Variants in SPG11 observed in about 807,000 individuals in gnomAD.
SPG11 encodes SPG11 vesicle trafficking associated, spatacsin, also known as spatacsin.
A neutral mutation model predicts 274.0 loss-of-function variants in SPG11; 222 were observed. That is an observed-to-expected ratio of 0.81 (90% CI 0.73 to 0.91). The LOEUF is 0.91. Among genes scored for constraint, SPG11 ranks in the 40% least tolerant of loss-of-function variants. SPG11 has a pLI of 0.00. For missense variants in SPG11, 3,114 were observed against 2,872.7 expected (o/e 1.08, Z -1.92); for synonymous variants, 1,144 against 1,039.7 (o/e 1.10, Z -1.93).
rs776413713 is a variant in SPG11 at position 44,652,220 on chromosome 15, G to A, written c.916C>T (p.Pro306Ser). The stretch of plus-strand genomic sequence containing the variant: ...TCTACGCCCTTAGGTCCTTGAATAG[G>A]AAGATCTTCTAGTATTCTTTCACAC... The part of the protein sequence containing the change: ...LLCERILEDL[P>S]IQGPKGVDED... The change falls in exon 5 of 40, where the codon CCT becomes TCT. Residue 306 changes from proline to serine, a missense_variant. Coordinates refer to ENST00000261866, the MANE Select transcript of SPG11 (RefSeq NM_025137.4). The A allele has an allele frequency of 2.5e-6, 4 of 1,613,930 alleles. No individual in the cohort carries two copies. In the African/African-American group the frequency reaches 4.0e-5, roughly 16 times the overall value.
intron 10 of SPG11, 138 bp downstream of exon 10, chr15:44,628,531 C>A: frequency 1.2e-6 from 1 of 821,122 alleles, no homozygotes; most frequent in Non-Finnish European, 2.0e-6. Context: ...TCAGAAATCC[C>A]CAAACCGATA....
intron 21 of SPG11, among the ~76,000 whole-genome samples, chr15:44,599,824 C>T (rs550632858): frequency 6.6e-6 from 1 of 152,272 alleles, no homozygotes; most frequent in Non-Finnish European, 1.5e-5. Flanking sequence ...TTATTAAAGA[C>T]ATTAAATATA....
chr15:44,596,436 A>C, intron 24 of SPG11, 81 bp from the exon 25 acceptor site: 1 of 1,497,516 alleles, frequency 6.7e-7, no homozygotes, highest in South Asian at 1.1e-5. Context: ...AAAAGCATAG[A>C]CAAAATTATG....
rs369310964 is a variant in SPG11 at position 44,569,485 on chromosome 15, A to C, written c.6498T>G (p.Ile2166Met). The change falls in exon 35 of 40, where the codon ATT becomes ATG. Residue 2166 changes from isoleucine to methionine, a missense_variant. Physicochemically the swap from Ile to Met is conservative, Grantham distance 10 (BLOSUM62 1). Transcript: ENST00000261866. ...YGLVVRLLTG[I>M]GRYNEMTYIF... is the part of the protein sequence containing the mutation. ...TGTATGTCATCTCGTTGTACCTTCC[A>C]ATGCCAGTGAGGAGCCGTACCTGTG... The C allele has an allele frequency of 1.9e-6, 3 of 1,596,396 alleles. No individual in the cohort carries two copies. The highest frequency in any genetic ancestry group is 3.5e-5 in the Admixed American group (2 of 57,190).
At chr15:44,616,245 G>A (rs994351203) in intron 15 of SPG11, among the ~76,000 whole-genome samples, 1 of 135,896 alleles carries the variant, frequency 7.4e-6, no homozygotes, top group Admixed American at 8.4e-5. Context: ...TTGCTCTGTC[G>A]CCTAGGCTGG....
intron 7 of SPG11, among the ~76,000 whole-genome samples, chr15:44,635,080 G>A (rs977716478): frequency 6.6e-6 from 1 of 151,722 alleles, no homozygotes; most frequent in Non-Finnish European, 1.5e-5. Context: ...GCCAGGTGTG[G>A]TGGCAGGCAC....
intron 7 of SPG11, among the ~76,000 whole-genome samples, chr15:44,637,749 T>G (rs1022942625): frequency 6.6e-6 from 1 of 152,210 alleles, no homozygotes; most frequent in Admixed American, 6.5e-5. Context: ...GAGCTGAAAA[T>G]TCCTACAGCC....
chr15:44,606,086 T>TA lies in SPG11; in HGVS notation c.3458dup (p.Leu1153PhefsTer5). On this transcript the variant is annotated frameshift_variant, in exon 20 of 40. Transcript: ENST00000261866. LOFTEE classifies it high-confidence loss of function. ...ACAATCTGCTAGGATCAAAGGGTGA[T>TA]AATGACTGAAAAAGGGGAAAAGTTA... 6.2e-7 allele frequency: 1 copy of TA among 1,613,596 alleles called. No homozygotes were observed. Among genetic ancestry groups the TA allele is most frequent in the East Asian group, 2.2e-5 (1 of 44,800 alleles).
intron 38 of SPG11, 68 bp from the exon 39 acceptor site, chr15:44,564,766 G>C: frequency 6.5e-7 from 1 of 1,544,318 alleles, no homozygotes; most frequent in Admixed American, 1.7e-5. Context: ...ACAAACTGTT[G>C]TAGAAAACAA....
chr15:44,569,530 A>G (rs754427905), intron 34 of SPG11, 25 bp from the exon 35 acceptor site: 9 of 1,530,818 alleles, frequency 5.9e-6, no homozygotes, highest in Non-Finnish European at 8.0e-6. Flanking sequence ...GACAGCTCGC[A>G]TCAGCATCAC....
chr15:44,619,176 C>G (rs2083671540), intron 15 of SPG11, among the ~76,000 whole-genome samples: 1 of 152,130 alleles, frequency 6.6e-6, no homozygotes, highest in Non-Finnish European at 1.5e-5. Flanking sequence ...CACTTAACGT[C>G]CCTGGATCTG....
intron 30 of SPG11, among the ~76,000 whole-genome samples, chr15:44,579,546 A>G (rs1405329919): frequency 2.6e-5 from 4 of 151,750 alleles, no homozygotes; most frequent in South Asian, 4.1e-4. Flanking sequence ...AAAAAAAAAA[A>G]AAAGAAAAAG....
intron 20 of SPG11, among the ~76,000 whole-genome samples, chr15:44,602,296 C>A (rs1053089880): frequency 2.0e-5 from 3 of 152,052 alleles, no homozygotes; most frequent in African/African-American, 7.2e-5. Context: ...TATTTCTGAT[C>A]TTAGAGGAAA....
chr15:44,588,237 ATTTG>A (rs1482942690), intron 28 of SPG11, among the ~76,000 whole-genome samples: 1 of 152,016 alleles, frequency 6.6e-6, no homozygotes, highest in Non-Finnish European at 1.5e-5. Context: ...GTAAGGCAAT[ATTTG>A]TTTGAGTCAA....
rs2083322354 is a variant in SPG11, at chr15:44,606,533, A to G, written c.3454-442T>C. ...AAAAAACTAGATAAATGGTTGAAGG[A>G]ATGTGATGAGCAACAACATGAACAA... On this transcript the variant is annotated intron_variant, in intron 19 of 39. Transcript: ENST00000261866. Among the ~76,000 whole-genome samples the G allele has an allele frequency of 2.6e-5, 4 of 152,338 alleles. No homozygotes were observed. The South Asian group carries it at 8.3e-4, about 32-fold the overall frequency.
At chr15:44,636,968 A>AAC (rs2084294668) in intron 7 of SPG11, among the ~76,000 whole-genome samples, 2 of 146,634 alleles carry the variant, frequency 1.4e-5, no homozygotes, top group African/African-American at 2.5e-5. Flanking sequence ...CAAAAAAAAA[A>AAC]CACAAATGTG....
intron 26 of SPG11, among the ~76,000 whole-genome samples, chr15:44,594,981 T>C (rs540959746): frequency 3.8e-4 from 58 of 152,206 alleles, no homozygotes; most frequent in African/African-American, 1.4e-3. Context: ...CATGCCTGGC[T>C]AATTTTTGTA....
intron 28 of SPG11, among the ~76,000 whole-genome samples, chr15:44,587,482 G>C (rs752830614): frequency 1.4e-4 from 22 of 152,032 alleles, no homozygotes; most frequent in Non-Finnish European, 3.1e-4. Context: ...TTGAGCTCAG[G>C]AGCTTGGGAC....
chr15:44,662,381 A>C (rs1265215588), intron 1 of SPG11, among the ~76,000 whole-genome samples: 5 of 152,194 alleles, frequency 3.3e-5, no homozygotes, highest in African/African-American at 4.8e-5. Context: ...ATAATTATTA[A>C]AAGAACAGGT....
Sources: gnomAD v4.1 joint callset for allele counts (sites outside exome capture counted in the v4.1 genomes callset) on GRCh38, gnomAD v4.1.1 for gene constraint, MANE v1.5 for transcripts, NCBI Gene and HGNC (gene_info 2026-07-23, HGNC 2026-07-21) for gene names.